The following GALNT2 variants were observed in gnomAD, a reference collection of about 807,000 sequenced individuals.
The protein encoded by GALNT2 is UDP-GalNAc:polypeptide N-acetylgalactosaminyltransferase 2.
A neutral mutation model predicts 81.4 loss-of-function variants in GALNT2; 31 were observed. The ratio of observed to expected loss-of-function variants is 0.38; its 90% CI spans 0.29 to 0.51. The LOEUF is 0.51. Ranked by LOEUF, GALNT2 falls within the 20% of genes least tolerant of loss-of-function variation. GALNT2 has a pLI of 0.87. For synonymous variants in GALNT2, 303 were observed against 287.4 expected (o/e 1.05, Z -0.55); for missense variants, 629 against 765.7 (o/e 0.82, Z 2.11).
At chr1:230,122,550 C>T (rs948888873) in intron 1 of GALNT2, among the ~76,000 whole-genome samples, 3 of 152,012 alleles carry the variant, frequency 2.0e-5, no homozygotes, top group African/African-American at 7.3e-5. Flanking sequence ...AAAATTTTCC[C>T]CCCAGGGATA....
intron 3 of GALNT2, among the ~76,000 whole-genome samples, chr1:230,219,165 T>C (rs988363175): frequency 6.6e-6 from 1 of 152,230 alleles, no homozygotes; most frequent in African/African-American, 2.4e-5. Flanking sequence ...CTGTTGCCTC[T>C]TCTTTATGAT....
chr1:230,109,049 T>C (rs989523988), intron 1 of GALNT2, among the ~76,000 whole-genome samples: 1 of 152,234 alleles, frequency 6.6e-6, no homozygotes, highest in African/African-American at 2.4e-5. Context: ...GCAAACGTTT[T>C]CTAGATGGAC....
At chr1:230,200,456 C>T (rs1663855452) in intron 2 of GALNT2, among the ~76,000 whole-genome samples, 1 of 152,240 alleles carries the variant, frequency 6.6e-6, no homozygotes, top group African/African-American at 2.4e-5. Context: ...CTTATTCTCC[C>T]TGCAGGATCT....
intron 1 of GALNT2, among the ~76,000 whole-genome samples, chr1:230,132,989 A>G (rs1374107313): frequency 1.3e-5 from 2 of 152,164 alleles, no homozygotes; most frequent in Non-Finnish European, 1.5e-5. Context: ...AAGCATCCCC[A>G]CCACGGTGCC....
intron 1 of GALNT2, among the ~76,000 whole-genome samples, chr1:230,167,018 G>T (rs1294060479): frequency 6.6e-6 from 1 of 151,992 alleles, no homozygotes; most frequent in East Asian, 1.9e-4. Context: ...CAGGGGAGAA[G>T]CTTAATTACA....
chr1:230,132,273 A>C (rs1052207142), intron 1 of GALNT2, among the ~76,000 whole-genome samples: 4 of 152,114 alleles, frequency 2.6e-5, no homozygotes, highest in Non-Finnish European at 2.9e-5. Flanking sequence ...GCCCCGAAAT[A>C]GATAGGGGTA....
intron 7 of GALNT2, 116 bp from the exon 8 acceptor site, chr1:230,245,947 G>A: frequency 3.7e-6 from 3 of 819,678 alleles, no homozygotes; most frequent in South Asian, 2.9e-5. Flanking sequence ...AGGGTAGTAG[G>A]TAGTAAGGGC....
In GALNT2 at chr1:230,193,980, T is replaced by C. The variant is rs1403304974; in HGVS notation, c.221-9157T>C. Among the ~76,000 whole-genome samples the C allele has an allele frequency of 6.6e-6, 1 of 152,120 alleles. No individual in the cohort carries two copies. Among genetic ancestry groups the C allele is most frequent in the African/African-American group, 2.4e-5 (1 of 41,410 alleles). ...GTTACAGTCGCCAGCCACTCTCTGCTCAAGGGACACTGTCCTGCTCTCCAG... is the reference window on the plus strand; with the variant it reads ...GTTACAGTCGCCAGCCACTCTCTGCCCAAGGGACACTGTCCTGCTCTCCAG... On this transcript the variant is annotated intron_variant, in intron 2 of 15. Coordinates refer to ENST00000366672, the MANE Select transcript of GALNT2 (RefSeq NM_004481.5). This position sits in a 1 kb window ranked among gnomAD's most constrained non-coding sequence, Gnocchi z 4.3.
At chr1:230,277,706 G>A (rs1666337298) in intron 15 of GALNT2, among the ~76,000 whole-genome samples, 1 of 152,202 alleles carries the variant, frequency 6.6e-6, no homozygotes, top group Non-Finnish European at 1.5e-5. Flanking sequence ...GTTTCGCGCA[G>A]GTCGGGTCCC....
At chr1:230,092,633 C>A (rs183622041) in intron 1 of GALNT2, among the ~76,000 whole-genome samples, 10 of 152,176 alleles carry the variant, frequency 6.6e-5, no homozygotes, top group Admixed American at 2.0e-4. Context: ...TGTGAGCCAC[C>A]GCACCTGGCC....
intron 11 of GALNT2, among the ~76,000 whole-genome samples, chr1:230,260,152 A>C (rs1665832707): frequency 6.6e-6 from 1 of 152,236 alleles, no homozygotes; most frequent in Non-Finnish European, 1.5e-5. Context: ...ATTTTGGATT[A>C]GGGATGCCCA....
At chr1:230,125,839 C>T (rs563496845) in intron 1 of GALNT2, among the ~76,000 whole-genome samples, 1 of 152,350 alleles carries the variant, frequency 6.6e-6, no homozygotes, top group South Asian at 2.1e-4. Context: ...CATCATTTCT[C>T]CAGGATTGGA....
chr1:230,109,671 T>C (rs1660646124), intron 1 of GALNT2, among the ~76,000 whole-genome samples: 1 of 152,048 alleles, frequency 6.6e-6, no homozygotes, highest in Admixed American at 6.5e-5. Flanking sequence ...CTACTAAATA[T>C]ACAAAAATTA....
intron 3 of GALNT2, among the ~76,000 whole-genome samples, chr1:230,229,709 C>G (rs1257112568): frequency 6.6e-6 from 1 of 152,286 alleles, no homozygotes; most frequent in African/African-American, 2.4e-5. Context: ...CAATGGAAAG[C>G]AGTGTAGCAG....
At chr1:230,245,327 G>A (rs182875379) in intron 7 of GALNT2, among the ~76,000 whole-genome samples, 94 of 152,248 alleles carry the variant, frequency 6.2e-4, no homozygotes, top group Admixed American at 4.1e-3. Context: ...AGCTGGGCGT[G>A]GTGGTGCATA....
At chr1:230,276,410 G>A (rs1319392980) in intron 15 of GALNT2, among the ~76,000 whole-genome samples, 1 of 152,164 alleles carries the variant, frequency 6.6e-6, no homozygotes, top group African/African-American at 2.4e-5. Context: ...TAGATGGGAT[G>A]TAGGGAAACT....
intron 1 of GALNT2, among the ~76,000 whole-genome samples, chr1:230,127,798 A>C (rs1661236564): frequency 6.7e-6 from 1 of 149,874 alleles, no homozygotes; most frequent in African/African-American, 2.5e-5. Flanking sequence ...GGGTGCGTGA[A>C]CTCTTTTGAG....
At position 230,275,027 on chromosome 1, in the gene GALNT2, C is replaced by T. The variant is rs75186035; in HGVS notation, c.1560+463C>T. ...CATGCCACATATATACATATATACA[C>T]GCCACATATATACACATATATACAT... On this transcript the variant is annotated intron_variant, in intron 15 of 15. Coordinates refer to ENST00000366672, the MANE Select transcript of GALNT2 (RefSeq NM_004481.5). This position sits in a 1 kb window ranked among gnomAD's most constrained non-coding sequence, Gnocchi z 5.5. 0.042 allele frequency among the ~76,000 whole-genome samples: 6,388 copies of T among 150,534 alleles called. 155 individuals are homozygous for T. Among genetic ancestry groups the T allele is most frequent in the Middle Eastern group, 0.055 (16 of 292 alleles).
At chr1:230,208,899 TC>T (rs1424138702) in intron 3 of GALNT2, among the ~76,000 whole-genome samples, 5 of 152,184 alleles carry the variant, frequency 3.3e-5, no homozygotes, top group East Asian at 1.9e-4. Context: ...CGTGGGGTGC[TC>T]CTGGCATTTA....
Sources: gnomAD v4.1 joint callset for allele counts (sites outside exome capture counted in the v4.1 genomes callset) on GRCh38, gnomAD v4.1.1 for gene constraint, Gnocchi (gnomAD v3.1) non-coding constraint, MANE v1.5 for transcripts, NCBI Gene and HGNC (gene_info 2026-07-23, HGNC 2026-07-21) for gene names.